Variants in SGCZ observed in about 807,000 individuals in gnomAD.
The protein encoded by SGCZ is zeta-sarcoglycan.
A neutral mutation model predicts 41.3 loss-of-function variants in SGCZ; 40 were observed. The observed-to-expected ratio is 0.97, with a 90% CI of 0.75 to 1.26. The LOEUF is 1.26. Among genes scored for constraint, SGCZ ranks in the 50% most tolerant of loss-of-function variants. The pLI, the probability that SGCZ is intolerant of heterozygous loss-of-function variation, is 0.00. For synonymous variants in SGCZ, 206 were observed against 137.5 expected (o/e 1.50, Z -3.49); for missense variants, 552 against 369.8 (o/e 1.49, Z -4.04).
intron 6 of SGCZ, 74 bp from the exon 7 acceptor site, chr8:14,102,573 T>G: frequency 8.1e-7 from 1 of 1,228,946 alleles, no homozygotes; most frequent in Admixed American, 3.9e-5. Context: ...AAGAAAATTT[T>G]TGATAAACTA....
At chr8:14,267,131 C>T (rs1799898986) in intron 3 of SGCZ, among the ~76,000 whole-genome samples, 1 of 151,910 alleles carries the variant, frequency 6.6e-6, no homozygotes, top group South Asian at 2.1e-4. Context: ...TATCTTTTCC[C>T]ACTTTCCAGA....
intron 1 of SGCZ, among the ~76,000 whole-genome samples, chr8:14,582,263 G>C (rs1164594848): frequency 3.9e-5 from 6 of 151,988 alleles, no homozygotes; most frequent in African/African-American, 1.2e-4. Context: ...ACATCGCTAG[G>C]CTATTAGTAG....
At chr8:15,028,794 C>G (rs1000353727) in intron 1 of SGCZ, among the ~76,000 whole-genome samples, 1 of 152,058 alleles carries the variant, frequency 6.6e-6, no homozygotes, top group Admixed American at 6.6e-5. Flanking sequence ...TCAAAGACTA[C>G]ATACTTCTTC....
intron 2 of SGCZ, among the ~76,000 whole-genome samples, chr8:14,404,915 T>C (rs1189127105): frequency 6.6e-6 from 1 of 152,208 alleles, no homozygotes; most frequent in Non-Finnish European, 1.5e-5. Context: ...CTGTCTCTTC[T>C]TTCGTTCCCT....
chr8:14,340,528 C>G (rs1318659683), intron 2 of SGCZ, among the ~76,000 whole-genome samples: 2 of 152,082 alleles, frequency 1.3e-5, no homozygotes, highest in African/African-American at 4.8e-5. Context: ...TAATGTCTTC[C>G]TTGTCTTTTT....
At chr8:14,274,669 T>C (rs1043022262) in intron 3 of SGCZ, among the ~76,000 whole-genome samples, 4 of 152,152 alleles carry the variant, frequency 2.6e-5, no homozygotes, top group Admixed American at 2.0e-4. Flanking sequence ...CCTAAACATT[T>C]ATTTAGACAA....
intron 1 of SGCZ, among the ~76,000 whole-genome samples, chr8:14,809,095 GGGGA>G (rs1801657178): frequency 2.1e-5 from 3 of 145,518 alleles, no homozygotes; most frequent in Non-Finnish European, 3.0e-5. Context: ...TGGGTGGAGG[GGGGA>G]GGGATAGCAT....
At chr8:14,627,691 G>C (rs149786608) in intron 1 of SGCZ, among the ~76,000 whole-genome samples, 2 of 151,798 alleles carry the variant, frequency 1.3e-5, no homozygotes, top group Admixed American at 6.6e-5. Flanking sequence ...TGGATTAGGC[G>C]CATCATACAC....
chr8:14,235,891 G>C (rs1439405346), intron 4 of SGCZ, among the ~76,000 whole-genome samples: 2 of 152,110 alleles, frequency 1.3e-5, no homozygotes, highest in Non-Finnish European at 2.9e-5. Flanking sequence ...CACCATGTTG[G>C]ACAGGATGAT....
intron 1 of SGCZ, among the ~76,000 whole-genome samples, chr8:14,751,637 G>C (rs999235002): frequency 2.6e-5 from 4 of 152,012 alleles, no homozygotes; most frequent in African/African-American, 9.7e-5. Flanking sequence ...GTTTTAATAC[G>C]GGCCTAGCAT....
chr8:14,304,599 T>C (rs1259820200), intron 3 of SGCZ, among the ~76,000 whole-genome samples: 6 of 152,044 alleles, frequency 3.9e-5, no homozygotes, highest in Non-Finnish European at 8.8e-5. Context: ...AAAGTGAAAA[T>C]GAAATGAAAG....
intron 1 of SGCZ, among the ~76,000 whole-genome samples, chr8:14,731,315 C>T (rs895051365): frequency 6.9e-6 from 1 of 145,672 alleles, no homozygotes; most frequent in Non-Finnish European, 1.5e-5. Context: ...TGTTCCCACT[C>T]ATAAGTGGGA....
chr8:15,024,248 T>C (rs28406089), intron 1 of SGCZ, among the ~76,000 whole-genome samples: 59 of 152,314 alleles, frequency 3.9e-4, no homozygotes, highest in African/African-American at 1.3e-3. Flanking sequence ...TTGCTAAATA[T>C]GATGGCCATG....
chr8:14,103,925 T>C (rs1802121187), intron 6 of SGCZ, among the ~76,000 whole-genome samples: 1 of 152,148 alleles, frequency 6.6e-6, no homozygotes, highest in Non-Finnish European at 1.5e-5. Context: ...AATGTATTTT[T>C]TATCACTGAT....
chr8:14,605,192 C>T (rs1219862447), intron 1 of SGCZ, among the ~76,000 whole-genome samples: 1 of 147,324 alleles, frequency 6.8e-6, no homozygotes, highest in Non-Finnish European at 1.5e-5. Context: ...AAGTAACAAG[C>T]AAACAGTGAC....
chr8:14,506,744 G>A (rs1013682438), intron 2 of SGCZ, among the ~76,000 whole-genome samples: 11 of 152,078 alleles, frequency 7.2e-5, no homozygotes, highest in South Asian at 2.1e-4. Context: ...CCATCTCAGC[G>A]TTCTTTTTTT....
At position 14,614,202 on chromosome 8, in the gene SGCZ, C is replaced by T. The variant is rs117361508; in HGVS notation, c.40-59276G>A. On this transcript the variant is annotated intron_variant, in intron 1 of 7. Coordinates refer to ENST00000382080, the MANE Select transcript of SGCZ (RefSeq NM_139167.4). ...AAGAAACTAATGAGATAAACTTGAA[C>T]CTTTAGAACCGAAAATGAATTAAAT... is the stretch of plus-strand genomic sequence containing the variant. Among the ~76,000 whole-genome samples, 526 of 152,218 alleles carry T rather than the reference C, an allele frequency of 3.5e-3. 1 individual carries two copies. The highest frequency in any genetic ancestry group is 4.8e-3 in the Non-Finnish European group (325 of 67,996).
chr8:14,423,844 T>A (rs1799703663), intron 2 of SGCZ, among the ~76,000 whole-genome samples: 1 of 152,212 alleles, frequency 6.6e-6, no homozygotes, highest in Non-Finnish European at 1.5e-5. Context: ...TTTTTCCCCC[T>A]TCCTTCTTTC....
At chr8:14,325,889 G>C (rs558115423) in intron 2 of SGCZ, among the ~76,000 whole-genome samples, 2 of 146,784 alleles carry the variant, frequency 1.4e-5, no homozygotes, top group Non-Finnish European at 3.0e-5. Flanking sequence ...GAGGCGGGCG[G>C]ATCACGACGT....
Sources: gnomAD v4.1 joint callset for allele counts (sites outside exome capture counted in the v4.1 genomes callset) on GRCh38, gnomAD v4.1.1 for gene constraint, MANE v1.5 for transcripts, NCBI Gene and HGNC (gene_info 2026-07-23, HGNC 2026-07-21) for gene names.